Variants in CDH23 observed in about 807,000 individuals in gnomAD.
CDH23 encodes cadherin related 23.
A neutral mutation model predicts 317.1 loss-of-function variants in CDH23; 189 were observed. The observed-to-expected ratio is 0.60, with a 90% CI of 0.53 to 0.67. CDH23 has a LOEUF of 0.67. Ranked by LOEUF, CDH23 falls within the 30% of genes least tolerant of loss-of-function variation. The pLI, the probability that CDH23 is intolerant of heterozygous loss-of-function variation, is 0.00. For synonymous variants in CDH23, 1,839 were observed against 1,876.8 expected, an observed-to-expected ratio of 0.98 and a Z score of 0.52; for missense variants, 4,401 against 4,592.4, an observed-to-expected ratio of 0.96 and a Z score of 1.20.
chr10:71,589,354 G>A (rs1034774234), intron 9 of CDH23, among the ~76,000 whole-genome samples: 3 of 152,180 alleles, frequency 2.0e-5, no homozygotes, highest in African/African-American at 7.2e-5. Flanking sequence ...TCCTGACCTT[G>A]TGATCCACCC....
chr10:71,551,411 ACT>A (rs1345598546), intron 6 of CDH23, among the ~76,000 whole-genome samples: 1 of 149,088 alleles, frequency 6.7e-6, no homozygotes, highest in Non-Finnish European at 1.5e-5. Context: ...GAGGGGTGGG[ACT>A]CTGTTTCTAG....
chr10:71,773,300 C>T, intron 38 of CDH23: 1 of 1,538,956 alleles, frequency 6.5e-7, no homozygotes, highest in Non-Finnish European at 8.8e-7. Flanking sequence ...ACAGTTCCCA[C>T]TCCAGTCTGC....
chr10:71,543,303 A>C (rs1324200167), intron 6 of CDH23, among the ~76,000 whole-genome samples: 1 of 152,042 alleles, frequency 6.6e-6, no homozygotes, highest in East Asian at 1.9e-4. Context: ...GTCCCCGAGG[A>C]CCTCCATTAT....
At chr10:71,590,455 G>A (rs370629137) in intron 9 of CDH23, among the ~76,000 whole-genome samples, 17 of 152,190 alleles carry the variant, frequency 1.1e-4, no homozygotes, top group South Asian at 6.2e-4. Context: ...CTGCCAGTTC[G>A]TGAGGATCTC....
intron 34 of CDH23, among the ~76,000 whole-genome samples, 160 bp from the exon 35 acceptor site, chr10:71,738,338 C>G (rs1160397509): frequency 6.6e-6 from 1 of 152,176 alleles, no homozygotes; most frequent in Non-Finnish European, 1.5e-5. Flanking sequence ...CCCAGGGCCT[C>G]CTTTGTAAAG....
intron 38 of CDH23, among the ~76,000 whole-genome samples, chr10:71,746,980 T>C (rs1480656338): frequency 6.6e-6 from 1 of 152,190 alleles, no homozygotes; most frequent in Non-Finnish European, 1.5e-5. Context: ...GACCCTGCTA[T>C]TGTGAACTCT....
intron 14 of CDH23, among the ~76,000 whole-genome samples, chr10:71,663,601 T>C (rs1287165615): frequency 6.6e-6 from 1 of 152,236 alleles, no homozygotes; most frequent in Non-Finnish European, 1.5e-5. Context: ...ACTTCAGGCA[T>C]GTTGCTTAAC....
chr10:71,584,023 T>C (rs1858852572), intron 9 of CDH23, among the ~76,000 whole-genome samples: 1 of 152,008 alleles, frequency 6.6e-6, no homozygotes, highest in South Asian at 2.1e-4. Flanking sequence ...CCACTAAACC[T>C]AAAGAATCAG....
At chr10:71,812,720 A>T in intron 67 of CDH23, 48 bp from the exon 68 acceptor site, 1 of 1,612,664 alleles carries the variant, frequency 6.2e-7, no homozygotes, top group Non-Finnish European at 8.5e-7. Flanking sequence ...TCCCTTGTAC[A>T]TGTGTGTGGG....
intron 1 of CDH23, among the ~76,000 whole-genome samples, chr10:71,410,738 T>C (rs748201723): frequency 2.0e-5 from 3 of 152,232 alleles, no homozygotes; most frequent in African/African-American, 4.8e-5. Flanking sequence ...AGTTGAATAA[T>C]GCAGTGGGTT....
rs1200134755 is a variant in CDH23, at chr10:71,784,950, G to A, written c.5562G>A (p.Leu1854=). The A allele has an allele frequency of 1.9e-6, 3 of 1,614,056 alleles. No homozygotes were observed. The highest frequency in any genetic ancestry group is 2.5e-6 in the Non-Finnish European group (3 of 1,179,902). Residue 1854 remains leucine, a synonymous_variant, in exon 43 of 70, where the codon CTG becomes CTA. Transcript: ENST00000224721. ...INDNDPVLLN[L]PMNITISENS... ...ACAACGACCCTGTGCTGCTGAACCT[G>A]CCCATGAACATCACCATCAGCGAGA...
chr10:71,414,974 A>G (rs1848476585), intron 1 of CDH23, among the ~76,000 whole-genome samples: 1 of 152,220 alleles, frequency 6.6e-6, no homozygotes, highest in African/African-American at 2.4e-5. Context: ...ATTCCAAAAG[A>G]ATTGACATAA....
At chr10:71,633,035 C>T (rs1721588996) in intron 11 of CDH23, among the ~76,000 whole-genome samples, 1 of 152,038 alleles carries the variant, frequency 6.6e-6, no homozygotes, top group African/African-American at 2.4e-5. Context: ...ACTACGTGTG[C>T]TCATGCAGTA....
At chr10:71,550,135 G>A (rs1183930320) in intron 6 of CDH23, among the ~76,000 whole-genome samples, 1 of 152,184 alleles carries the variant, frequency 6.6e-6, no homozygotes, top group Non-Finnish European at 1.5e-5. Context: ...CTCTACACTT[G>A]TTTCTCCTCC....
chr10:71,618,392 G>A (rs966544911), intron 11 of CDH23, among the ~76,000 whole-genome samples: 4 of 152,040 alleles, frequency 2.6e-5, no homozygotes, highest in Admixed American at 2.0e-4. Flanking sequence ...GCCTCTATTC[G>A]GTGGGGCCAG....
At chr10:71,509,910 G>T (rs1853858925) in intron 3 of CDH23, 172 bp from the exon 4 acceptor site, 2 of 652,064 alleles carry the variant, frequency 3.1e-6, no homozygotes, top group Admixed American at 4.8e-5. Flanking sequence ...GTGGAGGTGG[G>T]GTACCTGGAT....
chr10:71,610,640 GGTAA>G (rs1483262976), intron 9 of CDH23, among the ~76,000 whole-genome samples: 3 of 152,160 alleles, frequency 2.0e-5, no homozygotes, highest in African/African-American at 7.2e-5. Context: ...CCTGGTACAT[GGTAA>G]GTGTTTGATA....
At chr10:71,416,722 C>G (rs1848549285) in intron 1 of CDH23, among the ~76,000 whole-genome samples, 1 of 151,826 alleles carries the variant, frequency 6.6e-6, no homozygotes, top group Non-Finnish European at 1.5e-5. Flanking sequence ...CTAGAGTGTG[C>G]AGTGGTGTGA....
chr10:71,807,703 G>A lies in CDH23; in HGVS notation c.8496G>A (p.Val2832=), dbSNP rs774717731. The A allele has an allele frequency of 2.5e-6, 4 of 1,612,672 alleles. No homozygotes were observed. Among genetic ancestry groups the A allele is most frequent in the Admixed American group, 1.7e-5 (1 of 59,790 alleles). The change falls in exon 59 of 70, where the codon GTG becomes GTA. Residue 2832 remains valine, a synonymous_variant. Coordinates refer to ENST00000224721, the MANE Select transcript of CDH23 (RefSeq NM_022124.6). ...TTGCTGACCTCACACTGCAGGAGGT[G>A]CGCGTTGTGCTAGAGGACATCAACG... is the stretch of plus-strand genomic sequence containing the variant. ...DLVADLTLQE[V]RVVLEDINDQ...
Sources: gnomAD v4.1 joint callset for allele counts (sites outside exome capture counted in the v4.1 genomes callset) on GRCh38, gnomAD v4.1.1 for gene constraint, MANE v1.5 for transcripts, NCBI Gene and HGNC (gene_info 2026-07-23, HGNC 2026-07-21) for gene names.